NME7: variants seen among roughly 807,000 people sequenced by gnomAD.
NME7 encodes NME/NM23 family member 7, also known as nucleoside diphosphate kinase 7.
NME7 carries 41 observed loss-of-function variants against 49.1 expected under a neutral mutation model. That is an observed-to-expected ratio of 0.83 (90% CI 0.65 to 1.08). The LOEUF is 1.08. Ranked by LOEUF, NME7 falls within the 50% of genes least tolerant of loss-of-function variation. The pLI is 0.00. For missense variants in NME7, 423 were observed against 463.4 expected, an observed-to-expected ratio of 0.91 and a Z score of 0.80; for synonymous variants, 139 against 150.6, an observed-to-expected ratio of 0.92 and a Z score of 0.56.
chr1:169,263,367 C>T (rs1295498649), intron 7 of NME7, among the ~76,000 whole-genome samples: 2 of 133,460 alleles, frequency 1.5e-5, no homozygotes, highest in African/African-American at 5.1e-5. Flanking sequence ...CACAATAAAA[C>T]AATACAGGAG....
chr1:169,201,603 G>C (rs963741828), intron 10 of NME7, among the ~76,000 whole-genome samples: 5 of 152,080 alleles, frequency 3.3e-5, no homozygotes, highest in African/African-American at 1.2e-4. Flanking sequence ...ATAATGGGTT[G>C]GGGAAAGGCA....
At chr1:169,354,353 G>A (rs1186517678) in intron 1 of NME7, among the ~76,000 whole-genome samples, 1 of 151,978 alleles carries the variant, frequency 6.6e-6, no homozygotes. Flanking sequence ...TGAACTCATG[G>A]AGATAGAGAG....
rs764054747 is a variant in NME7, at chr1:169,235,113, A to G, written c.888+18T>C. On this transcript the variant is annotated intron_variant, in intron 9 of 11. Transcript: ENST00000367811. ...TCACTTAACAGTACAAATGTTTTAC[A>G]TTTACTTTTATACTTACATGATATT... 1.4e-6 allele frequency: 2 copies of G among 1,391,298 alleles called. No homozygotes were observed. Among genetic ancestry groups the G allele is most frequent in the Non-Finnish European group, 2.0e-6 (2 of 1,001,820 alleles). 86.2% of individuals were successfully genotyped at this position (1,391,298 alleles called of 1,614,324 possible). A position where few individuals can be genotyped will look rare whatever the true frequency, so the allele number is the denominator to read the frequency against.
intron 10 of NME7, among the ~76,000 whole-genome samples, chr1:169,171,379 G>GA (rs1441554395): frequency 6.6e-6 from 1 of 151,276 alleles, no homozygotes; most frequent in African/African-American, 2.4e-5. Flanking sequence ...CTCAAAAAAA[G>GA]AAAATTTTAT....
chr1:169,253,025 G>A (rs1465196620), intron 7 of NME7, among the ~76,000 whole-genome samples: 2 of 150,562 alleles, frequency 1.3e-5, no homozygotes, highest in Non-Finnish European at 3.0e-5. Flanking sequence ...TTTTGGCTTA[G>A]GATTGACTTG....
chr1:169,209,225 C>T lies in NME7; in HGVS notation c.990+21493G>A, dbSNP rs549377328. Among the ~76,000 whole-genome samples, 15 of 152,054 alleles carry T rather than the reference C, an allele frequency of 9.9e-5. No homozygotes were observed. The East Asian group carries it at 2.5e-3, about 26-fold the overall frequency. On this transcript the variant is annotated intron_variant, in intron 10 of 11. Transcript: ENST00000367811. ...TAGGGGGTTCCAAATTTACTAAAAC[C>T]TAATAGATGCCAAAGTTAAAATAGT...
Position 169,287,320 on chromosome 1 carries a change from G to T in NME7, c.737C>A (p.Pro246His), listed in dbSNP as rs904920988. The T allele has an allele frequency of 1.3e-5, 21 of 1,610,908 alleles. No homozygotes were observed. The highest frequency in any genetic ancestry group is 1.7e-5 in the Non-Finnish European group (20 of 1,178,242). Residue 246 changes from proline to histidine, a missense_variant, in exon 7 of 12, where the codon CCC becomes CAC. Coordinates refer to ENST00000367811, the MANE Select transcript of NME7 (RefSeq NM_013330.5). ...FTNCTCCIVK[P>H]HAVSEGLLGK... The stretch of plus-strand genomic sequence containing the variant: ...CAACATACCTTCACTGACAGCATGG[G>T]GTTTAACAATGCAACAGGTACAATT...
In NME7 at chr1:169,273,716, G is replaced by T. The variant is rs538715875; in HGVS notation, c.754+13587C>A. Among the ~76,000 whole-genome samples, 471 of 125,248 alleles carry T rather than the reference G, an allele frequency of 3.8e-3. 12 individuals carry two copies. The highest frequency in any genetic ancestry group is 0.012 in the African/African-American group (446 of 37,018). The allele number at this position is 125,248 out of a possible 152,430, so 82.2% of individuals were successfully genotyped here. On this transcript the variant is annotated intron_variant, in intron 7 of 11. Coordinates refer to ENST00000367811, the MANE Select transcript of NME7 (RefSeq NM_013330.5). The stretch of plus-strand genomic sequence containing the variant: ...TATGAGTGAGAACATGCGGTGTTTG[G>T]TTTTTTGTCCTTGCGATAGTTTACT...
chr1:169,367,089 C>G (rs17349600), intron 1 of NME7, among the ~76,000 whole-genome samples: 1,567 of 151,900 alleles, frequency 0.01, 18 homozygotes, highest in Non-Finnish European at 0.019. Context: ...AGGGGTGAAG[C>G]CCAAACAGTG....
intron 7 of NME7, among the ~76,000 whole-genome samples, chr1:169,241,935 TTA>T (rs1395747380): frequency 6.6e-6 from 1 of 151,732 alleles, no homozygotes; most frequent in Non-Finnish European, 1.5e-5. Flanking sequence ...AAAATACTTT[TTA>T]AAAAATTTTA....
intron 7 of NME7, among the ~76,000 whole-genome samples, chr1:169,261,716 A>T (rs1571336908): frequency 7.5e-6 from 1 of 133,948 alleles, no homozygotes; most frequent in South Asian, 2.3e-4. Flanking sequence ...AGAATTTCTC[A>T]TAAGTGGCTC....
chr1:169,310,131 TTA>T, intron 3 of NME7, 51 bp from the exon 4 acceptor site: 1 of 1,080,212 alleles, frequency 9.3e-7, no homozygotes, highest in Non-Finnish European at 1.4e-6. Flanking sequence ...TCAACAGTTT[TTA>T]TTTATAATTC....
At chr1:169,286,970 A>AAAAAAT in intron 7 of NME7, 1 of 194,086 alleles carries the variant, frequency 5.2e-6, no homozygotes, top group Non-Finnish European at 1.0e-5. Flanking sequence ...AAAAAAAAAA[A>AAAAAAT]GTGCTATTGA....
chr1:169,177,102 A>G (rs1659776213), intron 10 of NME7, among the ~76,000 whole-genome samples: 1 of 152,174 alleles, frequency 6.6e-6, no homozygotes, highest in Admixed American at 6.5e-5. Flanking sequence ...CTCCATCCCT[A>G]TAACATAATT....
At chr1:169,248,023 G>A (rs1489403639) in intron 7 of NME7, among the ~76,000 whole-genome samples, 1 of 152,090 alleles carries the variant, frequency 6.6e-6, no homozygotes, top group Non-Finnish European at 1.5e-5. Context: ...TGAATCAAAT[G>A]ACAGATCTAC....
intron 1 of NME7, among the ~76,000 whole-genome samples, chr1:169,347,082 G>A (rs1022472454): frequency 4.6e-5 from 7 of 152,020 alleles, no homozygotes; most frequent in Admixed American, 1.3e-4. Flanking sequence ...ATCATAGCTC[G>A]TGCCTGTAAT....
At chr1:169,250,854 G>T (rs903285351) in intron 7 of NME7, among the ~76,000 whole-genome samples, 1 of 151,872 alleles carries the variant, frequency 6.6e-6, no homozygotes, top group African/African-American at 2.4e-5. Flanking sequence ...ATAACATTTC[G>T]ATTTTTAAAA....
chr1:169,314,075 G>GAAAC (rs1651516371), intron 3 of NME7, among the ~76,000 whole-genome samples: 2 of 35,748 alleles, frequency 5.6e-5, no homozygotes, highest in African/African-American at 1.6e-4. Context: ...AGTGCAAACT[G>GAAAC]AGTTTTCTAT....
intron 10 of NME7, among the ~76,000 whole-genome samples, chr1:169,224,840 T>C (rs1013723484): frequency 6.6e-6 from 1 of 152,256 alleles, no homozygotes; most frequent in South Asian, 2.1e-4. Context: ...TTTCAGGAAG[T>C]AGACAGACGG....
Sources: gnomAD v4.1 joint callset for allele counts (sites outside exome capture counted in the v4.1 genomes callset) on GRCh38, gnomAD v4.1.1 for gene constraint, MANE v1.5 for transcripts, NCBI Gene and HGNC (gene_info 2026-07-23, HGNC 2026-07-21) for gene names.